Variants in LAMB1 observed in about 807,000 individuals in gnomAD.
LAMB1 encodes the protein laminin subunit beta-1.
LAMB1 carries 121 observed loss-of-function variants against 222.3 expected under a neutral mutation model. The ratio of observed to expected loss-of-function variants is 0.54; its 90% CI spans 0.47 to 0.63. The LOEUF (loss-of-function observed/expected upper bound fraction) is 0.63, where lower values mean the gene tolerates loss of function less well. LAMB1 is among the 30% of genes least tolerant of loss of function. The probability of loss-of-function intolerance (pLI) is 0.00; values close to 1 mark genes in which losing one functional copy is unlikely to be tolerated. For synonymous variants in LAMB1, 794 were observed against 807.2 expected (o/e 0.98, Z 0.28); for missense variants, 2,172 against 2,240.8 (o/e 0.97, Z 0.62).
intron 25 of LAMB1, 102 bp downstream of exon 25, chr7:107,939,887 C>A: frequency 7.3e-7 from 1 of 1,370,366 alleles, no homozygotes; most frequent in South Asian, 1.3e-5. Flanking sequence ...ACAGGACTAA[C>A]AAAACCTCCT....
At chr7:108,002,183 C>T in intron 2 of LAMB1, 6 of 1,399,412 alleles carry the variant, frequency 4.3e-6, no homozygotes, top group Non-Finnish European at 5.7e-6. Context: ...TGTGAGTGTG[C>T]GCGTGGAGAT....
Position 107,952,171 on chromosome 7 carries a change from G to C in LAMB1, c.3132C>G (p.Asp1044Glu). The change falls in exon 23 of 34, where the codon GAC becomes GAG. Residue 1044 changes from aspartate to glutamate, a missense_variant. Coordinates refer to ENST00000222399, the MANE Select transcript of LAMB1 (RefSeq NM_002291.3). ...GTVQEHCNGS[D>E]CQCDKATGQC... Reference sequence around the variant, plus strand: ...GACCAGTGGCTTTGTCGCACTGGCAGTCAGAGCCGTTACAGTGCTCTTGCA... The same window carrying C: ...GACCAGTGGCTTTGTCGCACTGGCACTCAGAGCCGTTACAGTGCTCTTGCA... 6.2e-7 allele frequency: 1 copy of C among 1,613,516 alleles called. No individual in the cohort carries two copies. The highest frequency in any genetic ancestry group is 8.5e-7 in the Non-Finnish European group (1 of 1,179,540).
chr7:107,925,356 A>G (rs1468735239), intron 32 of LAMB1, among the ~76,000 whole-genome samples: 2 of 152,140 alleles, frequency 1.3e-5, no homozygotes, highest in Admixed American at 6.6e-5. Context: ...AGATTCTCAT[A>G]GGAGCACGAA....
At chr7:107,970,647 TC>T (rs1438201912) in intron 13 of LAMB1, among the ~76,000 whole-genome samples, 2 of 151,524 alleles carry the variant, frequency 1.3e-5, no homozygotes, top group East Asian at 1.9e-4. Flanking sequence ...CAATGCCAAT[TC>T]TTTTTCATTA....
At chr7:107,931,794 A>G (rs1255719748) in intron 28 of LAMB1, 9 of 477,310 alleles carry the variant, frequency 1.9e-5, no homozygotes, top group South Asian at 1.1e-4. Flanking sequence ...AGGTGCCCAC[A>G]TAAATACTTA....
chr7:107,957,823 C>A (rs556631786), intron 20 of LAMB1, among the ~76,000 whole-genome samples: 1 of 152,302 alleles, frequency 6.6e-6, no homozygotes, highest in East Asian at 1.9e-4. Flanking sequence ...GAAACTGGCT[C>A]AAACTAGATA....
chr7:107,961,596 G>T lies in LAMB1; in HGVS notation c.1938C>A (p.Thr646=). The T allele has an allele frequency of 6.2e-6, 10 of 1,614,056 alleles. No individual in the cohort carries two copies. The highest frequency in any genetic ancestry group is 7.6e-6 in the Non-Finnish European group (9 of 1,179,946). The change falls in exon 16 of 34, where the codon ACC becomes ACA. Residue 646 remains threonine (T), a synonymous_variant. Coordinates refer to ENST00000222399, the MANE Select transcript of LAMB1 (RefSeq NM_002291.3). ...CCACCTGGTTGTCATCATCGGGGAT[G>T]GTATTACCACATCGGCTGCTGGTTG... ...RIPTSSRCGN[T]IPDDDNQVVS...
chr7:107,993,577 G>A (rs1226914149), intron 5 of LAMB1, among the ~76,000 whole-genome samples: 1 of 152,160 alleles, frequency 6.6e-6, no homozygotes, highest in Non-Finnish European at 1.5e-5. Context: ...AAGGATTTTG[G>A]ATCTAGATGA....
At chr7:107,949,001 C>T (rs539302898) in intron 24 of LAMB1, among the ~76,000 whole-genome samples, 543 of 152,286 alleles carry the variant, frequency 3.6e-3, no homozygotes, top group South Asian at 9.1e-3. Flanking sequence ...TTGCAGAATA[C>T]TTAGTTTCTG....
intron 9 of LAMB1, among the ~76,000 whole-genome samples, chr7:107,976,822 C>A (rs1451567481): frequency 6.6e-6 from 1 of 151,742 alleles, no homozygotes; most frequent in Non-Finnish European, 1.5e-5. Context: ...CCTCTCTTTT[C>A]CTTTTCTTTC....
chr7:107,928,274 A>T (rs777540971), intron 31 of LAMB1, among the ~76,000 whole-genome samples: 6 of 152,178 alleles, frequency 3.9e-5, no homozygotes, highest in Non-Finnish European at 7.4e-5. Flanking sequence ...TTGTTTAGCT[A>T]TAAGTGCTCT....
chr7:107,953,125 G>T (rs1472172630), intron 22 of LAMB1, among the ~76,000 whole-genome samples: 1 of 152,178 alleles, frequency 6.6e-6, no homozygotes, highest in African/African-American at 2.4e-5. Flanking sequence ...GGAAGGCCGA[G>T]GCGGGTGGAT....
At chr7:107,940,495 T>G (rs754807023) in intron 24 of LAMB1, 137 bp from the exon 25 acceptor site, 2 of 860,124 alleles carry the variant, frequency 2.3e-6, no homozygotes, top group Non-Finnish European at 3.5e-6. Flanking sequence ...ATGGCTCAGG[T>G]AGAGACTGTA....
intron 27 of LAMB1, among the ~76,000 whole-genome samples, chr7:107,933,615 C>A (rs75794649): frequency 0.068 from 10,240 of 149,772 alleles, 1,109 homozygotes; most frequent in African/African-American, 0.24. Flanking sequence ...AAAAAAAAAA[C>A]ACAGTATGGC....
chr7:108,002,797 C>T, intron 2 of LAMB1, 52 bp downstream of exon 2: 2 of 1,612,588 alleles, frequency 1.2e-6, no homozygotes, highest in Non-Finnish European at 1.7e-6. Context: ...TTGGGTTTTC[C>T]TTCCCCATGC....
intron 24 of LAMB1, chr7:107,942,746 C>T (rs1043413803): frequency 2.6e-5 from 4 of 152,188 alleles, no homozygotes; most frequent in African/African-American, 9.7e-5. Flanking sequence ...TATCACTTTT[C>T]GTGTCCCTAC....
At position 107,980,830 on chromosome 7, in the gene LAMB1, A is replaced by G. The variant is rs1226934966; in HGVS notation, c.677-19T>C. 2 of 1,512,012 alleles carry G rather than the reference A, an allele frequency of 1.3e-6. No homozygotes were observed. The highest frequency in any genetic ancestry group is 1.1e-5 in the South Asian group (1 of 88,174). 93.7% of individuals were successfully genotyped at this position (1,512,012 alleles called of 1,614,324 possible). On this transcript the variant is annotated intron_variant, in intron 7 of 33. Transcript: ENST00000222399. ...AATAAATCTAGGAAGGTCATCAAGA[A>G]GATGAAAAGTCTGATCAGACAAGCA...
intron 32 of LAMB1, 48 bp downstream of exon 32, chr7:107,926,135 G>T (rs368266389): frequency 1.4e-6 from 2 of 1,444,838 alleles, no homozygotes; most frequent in South Asian, 1.2e-5. Flanking sequence ...GGAGGAGACT[G>T]GTGGCTCCTT....
At chr7:107,932,513 A>T in intron 27 of LAMB1, 136 bp from the exon 28 acceptor site, 1 of 743,642 alleles carries the variant, frequency 1.3e-6, no homozygotes, top group Admixed American at 2.1e-5. Context: ...AGTGTTTGGG[A>T]GACAGAATGG....
Sources: gnomAD v4.1 joint callset for allele counts (sites outside exome capture counted in the v4.1 genomes callset) on GRCh38, gnomAD v4.1.1 for gene constraint, MANE v1.5 for transcripts, NCBI Gene and HGNC (gene_info 2026-07-23, HGNC 2026-07-21) for gene names.